The following CYP4F3 variants were observed in gnomAD, a reference collection of about 807,000 sequenced individuals.
CYP4F3 encodes cytochrome P450 family 4 subfamily F member 3.
CYP4F3 carries 50 observed loss-of-function variants against 54.8 expected under a neutral mutation model. That is an observed-to-expected ratio of 0.91 (90% CI 0.73 to 1.16). The LOEUF (loss-of-function observed/expected upper bound fraction) is 1.16. Among genes scored for constraint, CYP4F3 ranks in the 50% most tolerant of loss-of-function variants. The pLI is 0.00. For synonymous variants in CYP4F3, 244 were observed against 262.6 expected (o/e 0.93, Z 0.69); for missense variants, 715 against 676.2 (o/e 1.06, Z -0.64).
rs376212056 is a variant in CYP4F3, at chr19:15,652,636, G to A, written c.985+1G>A. 9.9e-6 allele frequency: 16 copies of A among 1,614,200 alleles called. No individual in the cohort carries two copies. The highest frequency in any genetic ancestry group is 3.3e-5 in the Admixed American group (2 of 60,028). ...GAAGCTGACACCTTTATGTTTGAGG[G>A]TGAGGGCCCCAGTGTGGGGCTAGAG... On this transcript the variant is annotated splice_donor_variant, in intron 8 of 12. Transcript: ENST00000221307. LOFTEE classifies it high-confidence loss of function.
chr19:15,649,022 C>T, intron 5 of CYP4F3, 138 bp from the exon 6 acceptor site: 6 of 1,377,984 alleles, frequency 4.4e-6, no homozygotes, highest in Non-Finnish European at 5.8e-6. Flanking sequence ...TGCACCATAA[C>T]CTGGTGCTCC....
rs139791776 is a variant in CYP4F3, at chr19:15,656,602, GTCTATCTA to G, written c.1116-1655_1116-1648del. 9.5e-5 allele frequency among the ~76,000 whole-genome samples: 13 copies of G among 136,154 alleles called. 1 individual carries two copies. The South Asian group carries it at 1.3e-3, about 13-fold the overall frequency. The allele number at this position is 136,154 out of a possible 152,430, so 89.3% of individuals were successfully genotyped here. A position where few individuals can be genotyped will look rare whatever the true frequency, so the allele number is the denominator to read the frequency against. ...TATCTATCATCTATCTCTATTATCT[GTCTATCTA>G]TCTATCATCTATGTATCTCTGTATC... On this transcript the variant is annotated intron_variant, in intron 9 of 12. Coordinates refer to ENST00000221307, the MANE Select transcript of CYP4F3 (RefSeq NM_000896.3).
At position 15,662,534 on chromosome 19, in the gene CYP4F3, T is replaced by C. The variant is rs1372766107; in HGVS notation, c.*3149T>C. 1 of 152,092 alleles carries C rather than the reference T, an allele frequency of 6.6e-6. No individual in the cohort carries two copies. Among genetic ancestry groups the C allele is most frequent in the Non-Finnish European group, 1.5e-5 (1 of 68,022 alleles). 9.4% of individuals were successfully genotyped at this position (152,092 alleles called of 1,614,324 possible). A position where few individuals can be genotyped will look rare whatever the true frequency, so the allele number is the denominator to read the frequency against. On this transcript the variant is annotated 3_prime_UTR_variant, in exon 13 of 13. Coordinates refer to ENST00000221307, the MANE Select transcript of CYP4F3 (RefSeq NM_000896.3). ...ATTTTTGGCTATTCTGCTTCCTTTG[T>C]GTTTCTATGTAAATTTTATCATCAG...
rs948160528 is a variant in CYP4F3, at chr19:15,661,789, A to T, written c.*2404A>T. 2 of 152,164 alleles carry T rather than the reference A, an allele frequency of 1.3e-5. No individual in the cohort carries two copies. The highest frequency in any genetic ancestry group is 4.8e-5 in the African/African-American group (2 of 41,428). 9.4% of individuals were successfully genotyped at this position (152,164 alleles called of 1,614,324 possible). On this transcript the variant is annotated 3_prime_UTR_variant, in exon 13 of 13. Coordinates refer to ENST00000221307, the MANE Select transcript of CYP4F3 (RefSeq NM_000896.3). ...GTGAATTATGTTTATACTGCCATAT[A>T]TAGGAACTCTTTGCTTAACTGGAGG... is the stretch of plus-strand genomic sequence containing the variant.
In CYP4F3 at chr19:15,652,840, A is replaced by C. The variant is rs1185144070; in HGVS notation, c.1003A>C (p.Ser335Arg). Residue 335 changes from serine (S) to arginine (R), a missense_variant, in exon 9 of 13, where the codon AGT becomes CGT. Physicochemically the swap from Ser to Arg is moderately radical, Grantham distance 110 (BLOSUM62 -1). Coordinates refer to ENST00000221307, the MANE Select transcript of CYP4F3 (RefSeq NM_000896.3). ...CCCCCCAGGCCATGACACCACAGCCAGTGGTCTCTCCTGGGTCCTGTACCA... is the reference window on the plus strand; with the variant it reads ...CCCCCCAGGCCATGACACCACAGCCCGTGGTCTCTCCTGGGTCCTGTACCA... Reference protein sequence around the residue: ...FMFEGHDTTASGLSWVLYHLA... With the variant: ...FMFEGHDTTARGLSWVLYHLA... 6.2e-7 allele frequency: 1 copy of C among 1,612,894 alleles called. No homozygotes were observed. Among genetic ancestry groups the C allele is most frequent in the Admixed American group, 1.7e-5 (1 of 59,802 alleles).
chr19:15,659,412 A>C lies in CYP4F3; in HGVS notation c.*27A>C. 1 of 1,603,208 alleles carries C rather than the reference A, an allele frequency of 6.2e-7. No homozygotes were observed. The highest frequency in any genetic ancestry group is 8.5e-7 in the Non-Finnish European group (1 of 1,174,652). On this transcript the variant is annotated 3_prime_UTR_variant, in exon 13 of 13. Transcript: ENST00000221307. ...TTCTGCAGAGACCCACTCTGACCCCACTAAAATGACCCCTGATTCATCAAA... is the reference window on the plus strand; with the variant it reads ...TTCTGCAGAGACCCACTCTGACCCCCCTAAAATGACCCCTGATTCATCAAA...
At chr19:15,649,347 G>A in intron 6 of CYP4F3, 66 bp downstream of exon 6, 1 of 1,608,444 alleles carries the variant, frequency 6.2e-7, no homozygotes, top group Admixed American at 1.7e-5. Flanking sequence ...GGGGGGCTGG[G>A]GAGGACTGAG....
intron 9 of CYP4F3, among the ~76,000 whole-genome samples, chr19:15,656,072 G>C (rs538290451): frequency 6.6e-6 from 1 of 151,930 alleles, no homozygotes; most frequent in Non-Finnish European, 1.5e-5. Flanking sequence ...ACCCTTCTCT[G>C]TCCCTCCCCC....
At position 15,652,899 on chromosome 19, in the gene CYP4F3, T is replaced by C; in HGVS notation, c.1062T>C (p.Cys354=). 1 of 1,613,832 alleles carries C rather than the reference T, an allele frequency of 6.2e-7. No homozygotes were observed. Among genetic ancestry groups the C allele is most frequent in the Non-Finnish European group, 8.5e-7 (1 of 1,179,850 alleles). The change falls in exon 9 of 13, where the codon TGT becomes TGC. Residue 354 remains cysteine, a synonymous_variant. Coordinates refer to ENST00000221307, the MANE Select transcript of CYP4F3 (RefSeq NM_000896.3). ...LAKHPEYQER[C]RQEVQELLKD... ...AGCACCCGGAATACCAGGAGCGCTG[T>C]CGGCAGGAGGTGCAAGAGCTTCTGA...
In CYP4F3 at chr19:15,644,134, C is replaced by A. The variant is rs116655048; in HGVS notation, c.199-1585C>A. The A allele has an allele frequency of 2.1e-6, 3 of 1,414,766 alleles. No homozygotes were observed. In the African/African-American group the frequency reaches 4.4e-5, roughly 21 times the overall value. The allele number at this position is 1,414,766 out of a possible 1,614,324, so 87.6% of individuals were successfully genotyped here. A position where few individuals can be genotyped will look rare whatever the true frequency, so the allele number is the denominator to read the frequency against. ...CTCTATCCCCAAGCCGTGTGTGGCC[C>A]CTGCAGTACTCTGGTCTCTCCTTTC... On this transcript the variant is annotated intron_variant, in intron 2 of 12. Transcript: ENST00000221307.
chr19:15,641,467 C>T lies in CYP4F3; in HGVS notation c.52C>T (p.Pro18Ser). 6.2e-7 allele frequency: 1 copy of T among 1,614,214 alleles called. No homozygotes were observed. Among genetic ancestry groups the T allele is most frequent in the Non-Finnish European group, 8.5e-7 (1 of 1,180,044 alleles). Residue 18 changes from proline (P) to serine (S), a missense_variant, in exon 2 of 13, where the codon CCG (proline) becomes TCG (serine). Coordinates refer to ENST00000221307, the MANE Select transcript of CYP4F3 (RefSeq NM_000896.3). ...SLGLWPMAAS[P>S]WLLLLLVGAS... The stretch of plus-strand genomic sequence containing the variant: ...GGGCCTTTGGCCAATGGCAGCATCC[C>T]CGTGGCTGCTCCTGCTGCTGGTTGG...
At chr19:15,645,420 C>A (rs1036130185) in intron 2 of CYP4F3, among the ~76,000 whole-genome samples, 3 of 152,182 alleles carry the variant, frequency 2.0e-5, no homozygotes, top group Non-Finnish European at 4.4e-5. Context: ...GGACTATGGG[C>A]AAATTACTTT....
At chr19:15,647,555 G>A (rs550374696) in intron 5 of CYP4F3, among the ~76,000 whole-genome samples, 4 of 152,128 alleles carry the variant, frequency 2.6e-5, no homozygotes, top group South Asian at 2.1e-4. Context: ...TTCTATGTTC[G>A]CGTCACCCGA....
chr19:15,655,324 T>C (rs1044389694), intron 9 of CYP4F3, among the ~76,000 whole-genome samples: 30 of 152,346 alleles, frequency 2.0e-4, no homozygotes, highest in African/African-American at 5.8e-4. Context: ...TTCTGTGGGT[T>C]GATTCTTCGC....
chr19:15,645,812 A>C lies in CYP4F3; in HGVS notation c.292A>C (p.Ile98Leu), dbSNP rs760367871. Residue 98 changes from isoleucine (I) to leucine (L), a missense_variant, in exon 3 of 13, where the codon ATC becomes CTC. Coordinates refer to ENST00000221307, the MANE Select transcript of CYP4F3 (RefSeq NM_000896.3). ...CCWWVGPWHA[I>L]VRIFHPTYIK... ...CTGGTGGGTGGGGCCCTGGCACGCA[A>C]TCGTCCGCATCTTCCACCCCACCTA... 1 of 1,613,988 alleles carries C rather than the reference A, an allele frequency of 6.2e-7. No individual in the cohort carries two copies.
At chr19:15,652,499 C>T (rs1450683357) in intron 7 of CYP4F3, 70 bp from the exon 8 acceptor site, 1 of 1,588,454 alleles carries the variant, frequency 6.3e-7, no homozygotes, top group Non-Finnish European at 8.6e-7. Flanking sequence ...TCAGATTAGA[C>T]TCAAGAGCCC....
chr19:15,658,429 G>A (rs377252794), intron 10 of CYP4F3, 32 bp downstream of exon 10: 3 of 1,613,602 alleles, frequency 1.9e-6, no homozygotes, highest in Non-Finnish European at 2.5e-6. Context: ...GAGCCTCCTG[G>A]GTAGGAAGAG....
intron 9 of CYP4F3, among the ~76,000 whole-genome samples, chr19:15,656,797 C>T (rs2733758): frequency 0.66 from 100,574 of 151,336 alleles, 33,959 homozygotes; most frequent in East Asian, 0.82. Flanking sequence ...TATCTCTCCA[C>T]CATCTATGAA....
At chr19:15,647,368 G>A (rs773872449) in intron 5 of CYP4F3, 44 bp downstream of exon 5, 74 of 1,612,262 alleles carry the variant, frequency 4.6e-5, no homozygotes, top group Non-Finnish European at 5.9e-5. Flanking sequence ...CCTTTGGTTG[G>A]GGGGAACCAC....
Sources: allele counts gnomAD v4.1 joint callset (sites outside exome capture counted in the v4.1 genomes callset), GRCh38; gene constraint gnomAD v4.1.1; transcripts MANE v1.5; gene names NCBI Gene and HGNC (gene_info 2026-07-23, HGNC 2026-07-21).